The following MOB3B variants were observed in gnomAD, a reference collection of about 807,000 sequenced individuals.
MOB3B encodes MOB kinase activator-like 2B.
A neutral mutation model predicts 18.7 loss-of-function variants in MOB3B; 7 were observed. That is an observed-to-expected ratio of 0.37 (90% CI 0.21 to 0.70). The LOEUF (loss-of-function observed/expected upper bound fraction) is 0.70, where lower values mean the gene tolerates loss of function less well. MOB3B is among the 30% of genes least tolerant of loss of function. MOB3B has a pLI of 0.52. For missense variants in MOB3B, 253 were observed against 281.3 expected, an observed-to-expected ratio of 0.90 and a Z score of 0.72; for synonymous variants, 111 against 99.9, an observed-to-expected ratio of 1.11 and a Z score of -0.66.
chr9:27,430,893 C>T (rs1822407687), intron 2 of MOB3B, among the ~76,000 whole-genome samples: 1 of 150,854 alleles, frequency 6.6e-6, no homozygotes, highest in Non-Finnish European at 1.5e-5. Flanking sequence ...GGATTCTGTT[C>T]CACAGTTTGT....
intron 2 of MOB3B, among the ~76,000 whole-genome samples, chr9:27,359,891 T>A (rs1821248775): frequency 6.6e-6 from 1 of 152,218 alleles, no homozygotes; most frequent in Non-Finnish European, 1.5e-5. Flanking sequence ...GCCCACGTCC[T>A]TTCTCCATCT....
rs79660170 is a variant in MOB3B, at chr9:27,385,178, G to A, written c.419-25942C>T. Among the ~76,000 whole-genome samples, 347 of 152,296 alleles carry A rather than the reference G, an allele frequency of 2.3e-3. 1 individual carries two copies. The highest frequency in any genetic ancestry group is 8.1e-3 in the African/African-American group (335 of 41,556). The stretch of plus-strand genomic sequence containing the variant: ...GTCATTTGCCTGAACATGTTTTCTT[G>A]CGGAATTTCCTCTGTAGGGTTTAAC... On this transcript the variant is annotated intron_variant, in intron 2 of 3. Coordinates refer to ENST00000262244, the MANE Select transcript of MOB3B (RefSeq NM_024761.5).
intron 1 of MOB3B, among the ~76,000 whole-genome samples, chr9:27,517,069 C>G (rs901886116): frequency 6.6e-6 from 1 of 152,126 alleles, no homozygotes; most frequent in Non-Finnish European, 1.5e-5. Context: ...CCCCCGCCTC[C>G]CATTCCAAAT....
Position 27,354,396 on chromosome 9 carries a change from G to A in MOB3B, c.621+4638C>T, listed in dbSNP as rs76175238. Among the ~76,000 whole-genome samples, 1,424 of 152,268 alleles carry A rather than the reference G, an allele frequency of 9.4e-3. 26 individuals are homozygous for A. Among genetic ancestry groups the A allele is most frequent in the African/African-American group, 0.033 (1,354 of 41,542 alleles). Reference sequence around the variant, plus strand: ...AGTGTGAGAGGATTCAAGATTTCCTGGGTGATCTATCTGGAATTTGGAACA... The same window carrying A: ...AGTGTGAGAGGATTCAAGATTTCCTAGGTGATCTATCTGGAATTTGGAACA... On this transcript the variant is annotated intron_variant, in intron 3 of 3. Coordinates refer to ENST00000262244, the MANE Select transcript of MOB3B (RefSeq NM_024761.5).
chr9:27,506,832 A>ATTTTTT (rs71492749), intron 1 of MOB3B, among the ~76,000 whole-genome samples: 27 of 120,486 alleles, frequency 2.2e-4, no homozygotes, highest in Admixed American at 2.7e-4. Flanking sequence ...ACCCCGGCTA[A>ATTTTTT]TTTTTTTTTT....
At chr9:27,389,152 G>A (rs1466116995) in intron 2 of MOB3B, among the ~76,000 whole-genome samples, 2 of 152,186 alleles carry the variant, frequency 1.3e-5, no homozygotes, top group African/African-American at 4.8e-5. Context: ...TACTCATAGA[G>A]TGGTCCCCAG....
At chr9:27,360,714 C>A (rs1821262954) in intron 2 of MOB3B, among the ~76,000 whole-genome samples, 2 of 152,176 alleles carry the variant, frequency 1.3e-5, no homozygotes, top group African/African-American at 4.8e-5. Flanking sequence ...TCACCTGGGA[C>A]CCCAGGGCAG....
At position 27,391,944 on chromosome 9, in the gene MOB3B, C is replaced by T. The variant is rs139029792; in HGVS notation, c.419-32708G>A. Among the ~76,000 whole-genome samples the T allele has an allele frequency of 6.5e-3, 992 of 152,336 alleles. 7 individuals carry two copies. Among genetic ancestry groups the T allele is most frequent in the Non-Finnish European group, 9.7e-3 (663 of 68,036 alleles). On this transcript the variant is annotated intron_variant, in intron 2 of 3. Transcript: ENST00000262244. ...ATATAATTCACAAAATTGAGCTTGA[C>T]ATGATGCCATGCCTCTATAAGTCTC... is the stretch of plus-strand genomic sequence containing the variant.
chr9:27,381,773 A>T lies in MOB3B; in HGVS notation c.419-22537T>A, dbSNP rs530253496. 2.6e-4 allele frequency among the ~76,000 whole-genome samples: 40 copies of T among 152,196 alleles called. 1 individual carries two copies. Among genetic ancestry groups the T allele is most frequent in the African/African-American group, 9.2e-4 (38 of 41,530 alleles). ...GCAATCCTCCTGCCTCAGCCTCTTG[A>T]GTAGCTAGAACTATAAGAACGCACC... On this transcript the variant is annotated intron_variant, in intron 2 of 3. Transcript: ENST00000262244.
At chr9:27,431,290 T>A (rs1162036967) in intron 2 of MOB3B, among the ~76,000 whole-genome samples, 1 of 152,196 alleles carries the variant, frequency 6.6e-6, no homozygotes, top group Non-Finnish European at 1.5e-5. Flanking sequence ...AACATGTGGT[T>A]TTATTTTAGT....
At chr9:27,489,709 G>A (rs916238459) in intron 1 of MOB3B, among the ~76,000 whole-genome samples, 23 of 132,098 alleles carry the variant, frequency 1.7e-4, no homozygotes, top group Admixed American at 1.3e-3. Flanking sequence ...CAGGCCCCTA[G>A]AGGGAAACAT....
intron 2 of MOB3B, among the ~76,000 whole-genome samples, chr9:27,414,109 C>T (rs1347739656): frequency 6.6e-6 from 1 of 152,224 alleles, no homozygotes; most frequent in Non-Finnish European, 1.5e-5. Context: ...TGGAGGAATA[C>T]ATGTGATCTC....
chr9:27,390,452 T>A (rs980138118), intron 2 of MOB3B, among the ~76,000 whole-genome samples: 6 of 152,160 alleles, frequency 3.9e-5, no homozygotes. Flanking sequence ...TCCTCCCCAC[T>A]CAGCCTCCCA....
chr9:27,518,586 C>T (rs1232684597), intron 1 of MOB3B, among the ~76,000 whole-genome samples: 4 of 152,156 alleles, frequency 2.6e-5, no homozygotes, highest in Admixed American at 6.5e-5. Flanking sequence ...TTCTTTTTAT[C>T]AGGGATTCTT....
intron 2 of MOB3B, among the ~76,000 whole-genome samples, chr9:27,417,257 G>A (rs1057389018): frequency 6.6e-6 from 1 of 152,142 alleles, no homozygotes; most frequent in African/African-American, 2.4e-5. Context: ...CCAGCAACTC[G>A]GGAGGCTGAG....
intron 2 of MOB3B, among the ~76,000 whole-genome samples, chr9:27,448,522 A>C (rs1037754419): frequency 2.0e-5 from 3 of 152,128 alleles, no homozygotes; most frequent in Admixed American, 1.3e-4. Flanking sequence ...AAACCATCAG[A>C]TCTTGTGAGA....
intron 2 of MOB3B, among the ~76,000 whole-genome samples, chr9:27,413,545 T>G (rs1822104529): frequency 6.6e-6 from 1 of 152,180 alleles, no homozygotes; most frequent in Non-Finnish European, 1.5e-5. Context: ...GCTAGATTTG[T>G]TTTTAAAACT....
At chr9:27,482,124 T>C (rs2131478752) in intron 1 of MOB3B, among the ~76,000 whole-genome samples, 1 of 152,212 alleles carries the variant, frequency 6.6e-6, no homozygotes, top group Admixed American at 6.5e-5. Context: ...TTCAAACCAC[T>C]GAAACATGAA....
chr9:27,326,350 T>C lies in MOB3B; in HGVS notation c.*4237A>G. On this transcript the variant is annotated 3_prime_UTR_variant, in exon 4 of 4. Coordinates refer to ENST00000262244, the MANE Select transcript of MOB3B (RefSeq NM_024761.5). ...GCTGAAGCACAACTGGTAATAGCCT[T>C]CAGATATTTAATGGATATGCAAATA... 1 of 397,212 alleles carries C rather than the reference T, an allele frequency of 2.5e-6. No homozygotes were observed. The allele number at this position is 397,212 out of a possible 1,614,324, so 24.6% of individuals were successfully genotyped here.
Sources: gnomAD v4.1 joint callset for allele counts (sites outside exome capture counted in the v4.1 genomes callset) on GRCh38, gnomAD v4.1.1 for gene constraint, MANE v1.5 for transcripts, NCBI Gene and HGNC (gene_info 2026-07-23, HGNC 2026-07-21) for gene names.